The following TNR variants were observed in gnomAD, a reference collection of about 807,000 sequenced individuals.
TNR encodes tenascin R, also known as tenascin-R.
In TNR, 45 loss-of-function variants were observed where a neutral mutation model predicts 150.4. The ratio of observed to expected loss-of-function variants is 0.30; its 90% CI spans 0.24 to 0.38. The LOEUF (loss-of-function observed/expected upper bound fraction) is 0.38, where lower values mean the gene tolerates loss of function less well. Among genes scored for constraint, TNR ranks in the 10% least tolerant of loss-of-function variants. The pLI, the probability that TNR is intolerant of heterozygous loss-of-function variation, is 1.00. For synonymous variants in TNR, 687 were observed against 678.4 expected (o/e 1.01, Z -0.20); for missense variants, 1,544 against 1,759.1 (o/e 0.88, Z 2.19).
intron 1 of TNR, among the ~76,000 whole-genome samples, chr1:175,647,851 G>A (rs1419222091): frequency 2.0e-5 from 3 of 152,226 alleles, no homozygotes; most frequent in Non-Finnish European, 2.9e-5. Context: ...AATTGGCATG[G>A]TTTCTTCTCC....
intron 4 of TNR, among the ~76,000 whole-genome samples, chr1:175,397,041 T>C (rs1653461324): frequency 6.6e-6 from 1 of 152,262 alleles, no homozygotes; most frequent in South Asian, 2.1e-4. Flanking sequence ...CCTACTGGCT[T>C]GTAAATGCTG....
chr1:175,680,786 G>T (rs924823343), intron 1 of TNR, among the ~76,000 whole-genome samples: 2 of 152,238 alleles, frequency 1.3e-5, no homozygotes, highest in Admixed American at 6.5e-5. Flanking sequence ...CTGAGTACCA[G>T]TGTGTCTACA....
chr1:175,465,043 A>G (rs144428173), intron 2 of TNR, among the ~76,000 whole-genome samples: 247 of 152,276 alleles, frequency 1.6e-3, no homozygotes, highest in African/African-American at 5.7e-3. Flanking sequence ...TTGGGGTTTC[A>G]ATTCAAAACA....
chr1:175,483,526 T>A (rs1571504350), intron 2 of TNR, among the ~76,000 whole-genome samples: 1 of 151,570 alleles, frequency 6.6e-6, no homozygotes, highest in African/African-American at 2.4e-5. Flanking sequence ...GGAGAGTGAG[T>A]AAGAAAATGG....
At chr1:175,497,712 T>C (rs1658546703) in intron 2 of TNR, among the ~76,000 whole-genome samples, 1 of 152,150 alleles carries the variant, frequency 6.6e-6, no homozygotes, top group South Asian at 2.1e-4. Flanking sequence ...ATCGGTACCA[T>C]GAGTCGGTCC....
rs536070481 is a variant in TNR, at chr1:175,522,537, C to T, written c.-64+5732G>A. 4.6e-5 allele frequency among the ~76,000 whole-genome samples: 7 copies of T among 152,092 alleles called. No individual in the cohort carries two copies. In the East Asian group the frequency reaches 1.3e-3, roughly 29 times the overall value. On this transcript the variant is annotated intron_variant, in intron 2 of 22. Transcript: ENST00000367674. Reference sequence around the variant, plus strand: ...CTCATGTAACCAAACATCACCTGTTCTCCAATAACCTATGGAAATAAAAAA... The same window carrying T: ...CTCATGTAACCAAACATCACCTGTTTTCCAATAACCTATGGAAATAAAAAA...
chr1:175,732,296 G>C (rs958493374), intron 1 of TNR, among the ~76,000 whole-genome samples: 1 of 152,232 alleles, frequency 6.6e-6, no homozygotes, highest in African/African-American at 2.4e-5. Context: ...AAGTGGATGA[G>C]TAGTTACAGC....
intron 9 of TNR, among the ~76,000 whole-genome samples, chr1:175,371,513 A>G (rs1184062529): frequency 6.6e-6 from 1 of 152,198 alleles, no homozygotes; most frequent in Non-Finnish European, 1.5e-5. Context: ...TAAAATAATT[A>G]TTTAGTGAGC....
chr1:175,512,158 G>A (rs1312450960), intron 2 of TNR, among the ~76,000 whole-genome samples: 1 of 152,144 alleles, frequency 6.6e-6, no homozygotes, highest in African/African-American at 2.4e-5. Context: ...CTAGAAAGAA[G>A]CATGTAAAAG....
chr1:175,631,044 G>A (rs936554199), intron 1 of TNR, among the ~76,000 whole-genome samples: 9 of 152,188 alleles, frequency 5.9e-5, no homozygotes, highest in African/African-American at 9.7e-5. Context: ...GTGGGTCAGC[G>A]GGTGTTCTCA....
At chr1:175,463,624 T>G (rs1656910707) in intron 2 of TNR, among the ~76,000 whole-genome samples, 1 of 152,224 alleles carries the variant, frequency 6.6e-6, no homozygotes, top group Non-Finnish European at 1.5e-5. Flanking sequence ...GTAGCCCTTT[T>G]AAGATGTGAA....
At chr1:175,436,508 A>G (rs1655516619) in intron 2 of TNR, among the ~76,000 whole-genome samples, 1 of 152,080 alleles carries the variant, frequency 6.6e-6, no homozygotes, top group Non-Finnish European at 1.5e-5. Context: ...TAAGGACTTC[A>G]GGATCAAATT....
chr1:175,579,894 C>T (rs1029837299), intron 1 of TNR, among the ~76,000 whole-genome samples: 7 of 152,066 alleles, frequency 4.6e-5, no homozygotes, highest in South Asian at 2.1e-4. Flanking sequence ...TCCCTTTCAG[C>T]GGGGTGGCTT....
chr1:175,657,353 T>A (rs1665210044), intron 1 of TNR, among the ~76,000 whole-genome samples: 1 of 152,158 alleles, frequency 6.6e-6, no homozygotes, highest in Non-Finnish European at 1.5e-5. Flanking sequence ...ATTGTGGAAG[T>A]CAGTGTGGCA....
At chr1:175,596,377 G>A (rs12240159) in intron 1 of TNR, among the ~76,000 whole-genome samples, 21,044 of 152,122 alleles carry the variant, frequency 0.14, 1,974 homozygotes, top group African/African-American at 0.26. Context: ...ACCATGCTCA[G>A]CTGTCATGAC....
At chr1:175,338,074 A>G (rs933609929) in intron 18 of TNR, among the ~76,000 whole-genome samples, 4 of 152,244 alleles carry the variant, frequency 2.6e-5, no homozygotes, top group East Asian at 1.9e-4. Context: ...TTACTCAGGC[A>G]ATGATTACAG....
At chr1:175,340,874 C>T (rs1204458288) in intron 18 of TNR, among the ~76,000 whole-genome samples, 1 of 152,140 alleles carries the variant, frequency 6.6e-6, no homozygotes, top group South Asian at 2.1e-4. Context: ...CACTTGCCCC[C>T]TTTCCTCCTC....
In TNR at chr1:175,403,501, C is replaced by A. The variant is rs1030073087; in HGVS notation, c.615G>T (p.Pro205=). 6.2e-6 allele frequency: 10 copies of A among 1,614,092 alleles called. No homozygotes were observed. Among genetic ancestry groups the A allele is most frequent in the Middle Eastern group, 1.6e-4 (1 of 6,084 alleles). Reference sequence around the variant, plus strand: ...ACACCCCCCGGCTGGAGCAACCCAGCGGGCAGTAGGGCTCCGAGCAATTCT... The same window carrying A: ...ACACCCCCCGGCTGGAGCAACCCAGAGGGCAGTAGGGCTCCGAGCAATTCT... ...FGKNCSEPYC[P]LGCSSRGVCV... is the part of the protein sequence containing the mutation. The change falls in exon 4 of 23, where the codon CCG becomes CCT. Residue 205 remains proline (P), a synonymous_variant. Coordinates refer to ENST00000367674, the MANE Select transcript of TNR (RefSeq NM_003285.3).
chr1:175,621,602 C>T (rs1305698838), intron 1 of TNR, among the ~76,000 whole-genome samples: 1 of 152,216 alleles, frequency 6.6e-6, no homozygotes, highest in Non-Finnish European at 1.5e-5. Flanking sequence ...TTGTATAAAG[C>T]ATTGACACAG....
Sources: gnomAD v4.1 joint callset for allele counts (sites outside exome capture counted in the v4.1 genomes callset) on GRCh38, gnomAD v4.1.1 for gene constraint, MANE v1.5 for transcripts, NCBI Gene and HGNC (gene_info 2026-07-23, HGNC 2026-07-21) for gene names.